XPR1: variants seen among roughly 807,000 people sequenced by gnomAD.
XPR1 encodes xenotropic and polytropic retrovirus receptor 1.
In XPR1, 28 loss-of-function variants were observed where a neutral mutation model predicts 87.5. That is an observed-to-expected ratio of 0.32 (90% CI 0.24 to 0.44). The LOEUF (loss-of-function observed/expected upper bound fraction) is 0.44. Ranked by LOEUF, XPR1 falls within the 20% of genes least tolerant of loss-of-function variation. The pLI, the probability that XPR1 is intolerant of heterozygous loss-of-function variation, is 1.00. For synonymous variants in XPR1, 300 were observed against 306.1 expected (o/e 0.98, Z 0.21); for missense variants, 559 against 862.3 (o/e 0.65, Z 4.41).
At chr1:180,825,373 T>C (rs1056048470) in intron 9 of XPR1, 29 bp downstream of exon 9, 3 of 1,591,230 alleles carry the variant, frequency 1.9e-6, no homozygotes, top group South Asian at 1.2e-5. Flanking sequence ...GTACCACTTT[T>C]AGAGTGGCAT....
chr1:180,880,188 C>G lies in XPR1; in HGVS notation c.1921C>G (p.Leu641Val). The change falls in exon 14 of 15, where the codon CTC (leucine) becomes GTC (valine). Residue 641 changes from leucine to valine, a missense_variant. Coordinates refer to ENST00000367590, the MANE Select transcript of XPR1 (RefSeq NM_004736.4). ...VAPLNADDQT[L>V]LEQMMDQDDG... ...CCCCCTGAACGCAGATGATCAGACT[C>G]TCCTAGAACAGATGATGGACCAGGA... 6.2e-7 allele frequency: 1 copy of G among 1,614,182 alleles called. No homozygotes were observed.
chr1:180,647,902 CAAAAAAAAA>C (rs1009441967), intron 1 of XPR1, among the ~76,000 whole-genome samples: 1 of 55,952 alleles, frequency 1.8e-5, no homozygotes, highest in Non-Finnish European at 3.9e-5. Context: ...CTCTTATCTG[CAAAAAAAAA>C]AAAAAAAAAA....
At chr1:180,813,847 C>A (rs1650310238) in intron 7 of XPR1, among the ~76,000 whole-genome samples, 1 of 152,080 alleles carries the variant, frequency 6.6e-6, no homozygotes, top group Non-Finnish European at 1.5e-5. Flanking sequence ...GCAAAAGTTG[C>A]CATTACTTTT....
chr1:180,716,437 AC>A (rs1053408024), intron 2 of XPR1, among the ~76,000 whole-genome samples: 1 of 151,828 alleles, frequency 6.6e-6, no homozygotes, highest in African/African-American at 2.4e-5. Flanking sequence ...TGTCAAACTA[AC>A]CTGTTTTGGT....
intron 1 of XPR1, among the ~76,000 whole-genome samples, chr1:180,646,785 A>C (rs116546806): frequency 3.3e-5 from 5 of 152,130 alleles, no homozygotes; most frequent in Admixed American, 6.5e-5. Flanking sequence ...AGTAGTAAAT[A>C]AAATAATGGG....
intron 2 of XPR1, among the ~76,000 whole-genome samples, chr1:180,755,792 A>G (rs1404107735): frequency 6.6e-6 from 1 of 152,076 alleles, no homozygotes; most frequent in African/African-American, 2.4e-5. Flanking sequence ...CACTTTTCTC[A>G]TAAGCCCTGT....
At chr1:180,776,744 A>G (rs549388888) in intron 2 of XPR1, among the ~76,000 whole-genome samples, 1 of 152,154 alleles carries the variant, frequency 6.6e-6, no homozygotes, top group African/African-American at 2.4e-5. Flanking sequence ...GTTGTTCTTT[A>G]CCTAGCAGAC....
rs1652387011 is a variant in XPR1 at position 180,866,248 on chromosome 1, G to A, written c.1668+2374G>A. Among the ~76,000 whole-genome samples the A allele has an allele frequency of 2.0e-5, 3 of 151,854 alleles. No individual in the cohort carries two copies. In the South Asian group the frequency reaches 6.2e-4, roughly 32 times the overall value. Reference sequence around the variant, plus strand: ...CAAAAACAAAAAACTAAAACAAAAGGCAGATAGTTGGAATAAAATTCATCC... The same window carrying A: ...CAAAAACAAAAAACTAAAACAAAAGACAGATAGTTGGAATAAAATTCATCC... On this transcript the variant is annotated intron_variant, in intron 12 of 14. Coordinates refer to ENST00000367590, the MANE Select transcript of XPR1 (RefSeq NM_004736.4).
chr1:180,824,081 G>T (rs1285940610), intron 7 of XPR1, among the ~76,000 whole-genome samples: 3 of 152,190 alleles, frequency 2.0e-5, no homozygotes, highest in Admixed American at 6.5e-5. Context: ...AAGCCAAAGA[G>T]AGGTTTTGTC....
At chr1:180,883,018 A>AGTGGT (rs1652892849) in intron 14 of XPR1, among the ~76,000 whole-genome samples, 3 of 150,284 alleles carry the variant, frequency 2.0e-5, no homozygotes, top group Admixed American at 6.6e-5. Flanking sequence ...GCTGGAGTGC[A>AGTGGT]GTGGTGTGAT....
At chr1:180,812,243 A>G (rs773286936) in intron 7 of XPR1, among the ~76,000 whole-genome samples, 23 of 152,168 alleles carry the variant, frequency 1.5e-4, no homozygotes, top group Non-Finnish European at 2.5e-4. Flanking sequence ...TCAAAATGTT[A>G]GGGTATAGTG....
chr1:180,708,896 T>G (rs990566797), intron 2 of XPR1, among the ~76,000 whole-genome samples: 6 of 49,004 alleles, frequency 1.2e-4, no homozygotes, highest in East Asian at 1.2e-3. Context: ...CATGTAAAGT[T>G]TTTTTTTTTT....
chr1:180,770,277 T>C (rs1648461696), intron 2 of XPR1, among the ~76,000 whole-genome samples: 1 of 152,180 alleles, frequency 6.6e-6, no homozygotes, highest in African/African-American at 2.4e-5. Flanking sequence ...CAGACAGTTA[T>C]TTTTCATGGT....
At chr1:180,837,728 T>G (rs952315463) in intron 11 of XPR1, among the ~76,000 whole-genome samples, 5 of 152,156 alleles carry the variant, frequency 3.3e-5, no homozygotes, top group African/African-American at 1.2e-4. Flanking sequence ...ATAATTTAAG[T>G]ATGTCAGTGA....
intron 7 of XPR1, among the ~76,000 whole-genome samples, chr1:180,815,847 G>T (rs1235704492): frequency 6.6e-6 from 1 of 152,018 alleles, no homozygotes; most frequent in Non-Finnish European, 1.5e-5. Flanking sequence ...AGGATAATTT[G>T]GCAGTGTGTG....
intron 1 of XPR1, among the ~76,000 whole-genome samples, chr1:180,658,301 C>G (rs558659298): frequency 1.3e-5 from 2 of 152,266 alleles, no homozygotes; most frequent in East Asian, 3.9e-4. Context: ...TCTGATTGCT[C>G]TAGCTAGCAC....
chr1:180,855,814 T>C (rs1407657274), intron 11 of XPR1, among the ~76,000 whole-genome samples: 1 of 152,208 alleles, frequency 6.6e-6, no homozygotes, highest in Non-Finnish European at 1.5e-5. Context: ...GGAATCATTT[T>C]CCTTCAGCTA....
chr1:180,681,484 G>T (rs1181393532), intron 1 of XPR1, among the ~76,000 whole-genome samples: 1 of 151,926 alleles, frequency 6.6e-6, no homozygotes, highest in African/African-American at 2.4e-5. Context: ...TCTCTACTAA[G>T]AAATACAAAA....
At chr1:180,709,888 G>GTT (rs34386449) in intron 2 of XPR1, among the ~76,000 whole-genome samples, 2 of 142,410 alleles carry the variant, frequency 1.4e-5, no homozygotes, top group East Asian at 2.0e-4. Context: ...AGTTTTGAGG[G>GTT]TTTTTTTTTT....
Sources: allele counts gnomAD v4.1 joint callset (sites outside exome capture counted in the v4.1 genomes callset), GRCh38; gene constraint gnomAD v4.1.1; transcripts MANE v1.5; gene names NCBI Gene and HGNC (gene_info 2026-07-23, HGNC 2026-07-21).